The following BMP2K variants were observed in gnomAD, a reference collection of about 807,000 sequenced individuals.
BMP2K encodes the protein BMP-2-inducible protein kinase.
A neutral mutation model predicts 116.0 loss-of-function variants in BMP2K; 74 were observed. That is an observed-to-expected ratio of 0.64 (90% CI 0.53 to 0.77). The LOEUF (loss-of-function observed/expected upper bound fraction) is 0.77, where lower values mean the gene tolerates loss of function less well. Among genes scored for constraint, BMP2K ranks in the 30% least tolerant of loss-of-function variants. The probability of loss-of-function intolerance (pLI) is 0.00; values close to 1 mark genes in which losing one functional copy is unlikely to be tolerated. For missense variants in BMP2K, 1,365 were observed against 1,403.6 expected, an observed-to-expected ratio of 0.97 and a Z score of 0.44; for synonymous variants, 486 against 502.5, an observed-to-expected ratio of 0.97 and a Z score of 0.44.
At chr4:78,881,168 T>A (rs1373286857) in intron 14 of BMP2K, among the ~76,000 whole-genome samples, 1 of 152,244 alleles carries the variant, frequency 6.6e-6, no homozygotes, top group Non-Finnish European at 1.5e-5. Context: ...AATTAAATGA[T>A]GTCTTTAAAT....
chr4:78,829,531 A>T, intron 2 of BMP2K, among the ~76,000 whole-genome samples: 1 of 151,080 alleles, frequency 6.6e-6, no homozygotes. Flanking sequence ...TAATATTTTG[A>T]CTTCCTCCTA....
intron 15 of BMP2K, among the ~76,000 whole-genome samples, chr4:78,904,254 C>T (rs1435382841): frequency 6.6e-6 from 1 of 151,838 alleles, no homozygotes; most frequent in Non-Finnish European, 1.5e-5. Context: ...TAAGAAAGAT[C>T]ATAGTAAACC....
chr4:78,822,051 C>CT (rs1729644706), intron 1 of BMP2K, among the ~76,000 whole-genome samples: 1 of 152,156 alleles, frequency 6.6e-6, no homozygotes, highest in Non-Finnish European at 1.5e-5. Context: ...GACTTGGCAT[C>CT]TCTAGAGCAG....
rs531116014 is a variant in BMP2K at position 78,835,040 on chromosome 4, G to A, written c.403+1353G>A. Among the ~76,000 whole-genome samples the A allele has an allele frequency of 6.6e-5, 10 of 152,180 alleles. No homozygotes were observed. The East Asian group carries it at 1.7e-3, about 26-fold the overall frequency. On this transcript the variant is annotated intron_variant, in intron 3 of 15. Transcript: ENST00000502613. The stretch of plus-strand genomic sequence containing the variant: ...TGCTAATTCTTAGAGTTTACTTGTA[G>A]CCCTTGACTACTTGTAACTTTTAAA...
chr4:78,913,467 T>C lies in BMP2K; in HGVS notation c.*1434T>C, dbSNP rs746279559. On this transcript the variant is annotated 3_prime_UTR_variant, in exon 16 of 16. Transcript: ENST00000502613. ...CTGTGTCTATGACTATTTTAAGATA[T>C]AATTGTGCTGCGCTATCAGATTAAC... is the stretch of plus-strand genomic sequence containing the variant. 1.3e-5 allele frequency: 2 copies of C among 152,196 alleles called. No individual in the cohort carries two copies. The highest frequency in any genetic ancestry group is 2.9e-5 in the Non-Finnish European group (2 of 68,004). 9.4% of individuals were successfully genotyped at this position (152,196 alleles called of 1,614,324 possible).
intron 1 of BMP2K, among the ~76,000 whole-genome samples, chr4:78,797,372 C>T (rs1208229080): frequency 6.6e-6 from 1 of 152,128 alleles, no homozygotes; most frequent in Non-Finnish European, 1.5e-5. Flanking sequence ...TAATGGCCTT[C>T]AGATGGATTA....
intron 9 of BMP2K, among the ~76,000 whole-genome samples, chr4:78,861,717 A>T (rs979940061): frequency 6.6e-6 from 1 of 152,032 alleles, no homozygotes; most frequent in Non-Finnish European, 1.5e-5. Context: ...ATGATGTGAC[A>T]GCGGGTCTTT....
At position 78,801,249 on chromosome 4, in the gene BMP2K, ATAGGTG is replaced by A. The variant is rs534205639; in HGVS notation, c.178+24529_178+24534del. On this transcript the variant is annotated intron_variant, in intron 1 of 15. Transcript: ENST00000502613. ...CACCAAGTCAGCTTCTCTTGTTTGA[ATAGGTG>A]GCCCAATCCTAGATACTCAAGTGAG... Among the ~76,000 whole-genome samples, 152 of 152,170 alleles carry A rather than the reference ATAGGTG, an allele frequency of 1.0e-3. 7 individuals carry two copies. In the South Asian group the frequency reaches 0.029, roughly 29 times the overall value.
Position 78,776,626 on chromosome 4 carries a change from C to T in BMP2K, c.83C>T (p.Ala28Val), listed in dbSNP as rs899773007. ...AAGGGAGGAG[A>V]GAGCGSGGSS... ...GGTGGCGGGGCTGGCGGGGCCGGGGCCGGGGCCGGCTGCGGCTCCGGCGGC... is the reference window on the plus strand; with the variant it reads ...GGTGGCGGGGCTGGCGGGGCCGGGGTCGGGGCCGGCTGCGGCTCCGGCGGC... The change falls in exon 1 of 16, where the codon GCC becomes GTC. Residue 28 changes from alanine (A) to valine (V), a missense_variant. Transcript: ENST00000502613. 1 of 1,207,986 alleles carries T rather than the reference C, an allele frequency of 8.3e-7. No homozygotes were observed. Among genetic ancestry groups the T allele is most frequent in the Middle Eastern group, 3.3e-4 (1 of 3,062 alleles). The allele number at this position is 1,207,986 out of a possible 1,614,324, so 74.8% of individuals were successfully genotyped here.
At chr4:78,824,121 G>A (rs1729761760) in intron 1 of BMP2K, among the ~76,000 whole-genome samples, 2 of 152,292 alleles carry the variant, frequency 1.3e-5, no homozygotes, top group South Asian at 4.1e-4. Flanking sequence ...GAACTGCCTT[G>A]TGGGGTGGTT....
chr4:78,826,493 G>A (rs980849932), intron 2 of BMP2K, among the ~76,000 whole-genome samples: 2 of 152,120 alleles, frequency 1.3e-5, no homozygotes, highest in African/African-American at 4.8e-5. Context: ...GTGAGCCACC[G>A]TGCCTGGCCT....
At chr4:78,860,183 T>G (rs1577934115) in intron 8 of BMP2K, 1 of 430,168 alleles carries the variant, frequency 2.3e-6, no homozygotes, top group East Asian at 5.8e-5. Flanking sequence ...ACATTGGAAG[T>G]CAGAAAGGTG....
intron 13 of BMP2K, among the ~76,000 whole-genome samples, chr4:78,874,907 CTA>C (rs199774382): frequency 0.048 from 7,341 of 152,192 alleles, 553 homozygotes; most frequent in African/African-American, 0.17. Context: ...TTCTGTGTAA[CTA>C]TTAAAAAATA....
At chr4:78,817,130 A>C (rs1321399562) in intron 1 of BMP2K, among the ~76,000 whole-genome samples, 1 of 152,220 alleles carries the variant, frequency 6.6e-6, no homozygotes, top group East Asian at 1.9e-4. Flanking sequence ...CATACTTCTC[A>C]TCTTCCTAAG....
chr4:78,868,904 C>T (rs887716399), intron 10 of BMP2K, among the ~76,000 whole-genome samples: 1 of 152,084 alleles, frequency 6.6e-6, no homozygotes, highest in African/African-American at 2.4e-5. Flanking sequence ...ATGGGCTGGC[C>T]GTTGAGTATC....
intron 15 of BMP2K, among the ~76,000 whole-genome samples, chr4:78,909,336 C>A (rs1734455999): frequency 6.7e-6 from 1 of 148,692 alleles, no homozygotes; most frequent in African/African-American, 2.5e-5. Context: ...GCACCCAGCC[C>A]CCTTAGTGTT....
chr4:78,857,598 G>T (rs1236575545), intron 7 of BMP2K, among the ~76,000 whole-genome samples: 7 of 152,004 alleles, frequency 4.6e-5, no homozygotes, highest in Admixed American at 4.6e-4. Context: ...AAACCAGGCC[G>T]CAAAAGAAGT....
intron 1 of BMP2K, 46 bp downstream of exon 1, chr4:78,776,767 G>C: frequency 8.1e-7 from 1 of 1,230,732 alleles, no homozygotes; most frequent in Non-Finnish European, 1.0e-6. Context: ...AGGGAGGGTT[G>C]GGGTGTGGCG....
rs371888255 is a variant in BMP2K at position 78,910,940 on chromosome 4, A to G, written c.2393A>G (p.Glu798Gly). 3.7e-5 allele frequency: 59 copies of G among 1,613,688 alleles called. No homozygotes were observed. The highest frequency in any genetic ancestry group is 4.8e-5 in the Non-Finnish European group (57 of 1,179,816). Residue 798 changes from glutamate (E) to glycine (G), a missense_variant, in exon 16 of 16, where the codon GAG becomes GGG. Glu to Gly is a moderately conservative substitution (Grantham distance 98). Around this residue, in one of 3 missense-constraint regions of BMP2K, gnomAD observed 596 missense variants for 623.2 expected, o/e 0.96. Coordinates refer to ENST00000502613, the MANE Select transcript of BMP2K (RefSeq NM_198892.2). ...GATTCTGAAGATGAGGAAGAAGAGGAGAAACATAGCTCTGATTCTGATTAT... is the reference window on the plus strand; with the variant it reads ...GATTCTGAAGATGAGGAAGAAGAGGGGAAACATAGCTCTGATTCTGATTAT... ...LMDSEDEEEE[E>G]KHSSDSDYEQ... is the part of the protein sequence containing the mutation.
Sources: gnomAD v4.1 joint callset for allele counts (sites outside exome capture counted in the v4.1 genomes callset) on GRCh38, gnomAD v4.1.1 for gene constraint, gnomAD v4.1.1 regional missense constraint, MANE v1.5 for transcripts, NCBI Gene and HGNC (gene_info 2026-07-23, HGNC 2026-07-21) for gene names.